ITGA1: variants seen among roughly 807,000 people sequenced by gnomAD.
ITGA1 encodes integrin alpha-1.
A neutral mutation model predicts 145.9 loss-of-function variants in ITGA1; 85 were observed. The ratio of observed to expected loss-of-function variants is 0.58; its 90% CI spans 0.49 to 0.70. The LOEUF (loss-of-function observed/expected upper bound fraction) is 0.70, where lower values mean the gene tolerates loss of function less well. ITGA1 is among the 30% of genes least tolerant of loss of function. The pLI, the probability that ITGA1 is intolerant of heterozygous loss-of-function variation, is 0.00. For synonymous variants in ITGA1, 520 were observed against 495.3 expected (o/e 1.05, Z -0.66); for missense variants, 1,351 against 1,418.7 (o/e 0.95, Z 0.77).
At chr5:52,886,616 A>T (rs1419065011) in intron 7 of ITGA1, among the ~76,000 whole-genome samples, 1 of 152,074 alleles carries the variant, frequency 6.6e-6, no homozygotes, top group Non-Finnish European at 1.5e-5. Flanking sequence ...CTCTTCCAAG[A>T]CTCCAGAGCG....
At chr5:52,886,767 C>G (rs1169901967) in intron 7 of ITGA1, among the ~76,000 whole-genome samples, 1 of 151,802 alleles carries the variant, frequency 6.6e-6, no homozygotes, top group African/African-American at 2.4e-5. Flanking sequence ...AATTCAAATT[C>G]GGTTTTTTGT....
intron 8 of ITGA1, among the ~76,000 whole-genome samples, chr5:52,889,108 A>ATTT (rs71614392): frequency 0.21 from 23,257 of 110,816 alleles, 1,878 homozygotes; most frequent in Admixed American, 0.3. Flanking sequence ...ACTACTATCC[A>ATTT]TTTTTTTTTT....
At position 52,865,637 on chromosome 5, in the gene ITGA1, T is replaced by C. The variant is rs886256318; in HGVS notation, c.497-53T>C. 2.8e-6 allele frequency: 4 copies of C among 1,403,916 alleles called. No homozygotes were observed. In the African/African-American group the frequency reaches 6.1e-5, roughly 21 times the overall value. The allele number at this position is 1,403,916 out of a possible 1,614,324, so 87.0% of individuals were successfully genotyped here. A position where few individuals can be genotyped will look rare whatever the true frequency, so the allele number is the denominator to read the frequency against. On this transcript the variant is annotated intron_variant, in intron 5 of 28. Coordinates refer to ENST00000282588, the MANE Select transcript of ITGA1 (RefSeq NM_181501.2). ...CTTTCAGCCATGAAAGCACTTCATA[T>C]GCCTCTGAAAAAAATAGATTCCAAA...
chr5:52,818,283 G>A (rs1307371866), intron 1 of ITGA1, among the ~76,000 whole-genome samples: 1 of 152,142 alleles, frequency 6.6e-6, no homozygotes, highest in African/African-American at 2.4e-5. Context: ...TGAGTTGCTG[G>A]TGTGTAAATC....
chr5:52,797,554 T>C (rs1165517777), intron 1 of ITGA1, among the ~76,000 whole-genome samples: 1 of 152,114 alleles, frequency 6.6e-6, no homozygotes, highest in Non-Finnish European at 1.5e-5. Context: ...TCAAATCCTC[T>C]AGGTTGGTTC....
In ITGA1 at chr5:52,958,720, T is replaced by C. The variant is rs1391529713; in HGVS notation, c.*6269T>C. On this transcript the variant is annotated 3_prime_UTR_variant, in exon 29 of 29. Transcript: ENST00000282588. ...ATTCATTTTATTAGCAAGAAAAATA[T>C]TGCATACAAGAACTACTGCCCTGAA... is the stretch of plus-strand genomic sequence containing the variant. The C allele has an allele frequency of 6.6e-6, 1 of 152,176 alleles. No individual in the cohort carries two copies. Among genetic ancestry groups the C allele is most frequent in the Non-Finnish European group, 1.5e-5 (1 of 68,020 alleles). 9.4% of individuals were successfully genotyped at this position (152,176 alleles called of 1,614,324 possible). A position where few individuals can be genotyped will look rare whatever the true frequency, so the allele number is the denominator to read the frequency against.
At chr5:52,805,614 T>TA (rs919784672) in intron 1 of ITGA1, among the ~76,000 whole-genome samples, 18 of 151,262 alleles carry the variant, frequency 1.2e-4, no homozygotes, top group African/African-American at 3.9e-4. Flanking sequence ...AAATGGTAAT[T>TA]AAAAAAAAAT....
Position 52,953,400 on chromosome 5 carries a change from T to C in ITGA1, c.*949T>C, listed in dbSNP as rs1203667519. ...TCCAGTATGTGACCCAAAGAAAGAG[T>C]TGTCTCAACTCCTTGGTACAGGGTT... On this transcript the variant is annotated 3_prime_UTR_variant, in exon 29 of 29. Coordinates refer to ENST00000282588, the MANE Select transcript of ITGA1 (RefSeq NM_181501.2). The C allele has an allele frequency of 2.0e-5, 3 of 152,162 alleles. No homozygotes were observed. The highest frequency in any genetic ancestry group is 7.2e-5 in the African/African-American group (3 of 41,446). 9.4% of individuals were successfully genotyped at this position (152,162 alleles called of 1,614,324 possible).
intron 15 of ITGA1, among the ~76,000 whole-genome samples, chr5:52,916,655 C>T (rs1489366955): frequency 6.6e-6 from 1 of 151,746 alleles, no homozygotes; most frequent in Non-Finnish European, 1.5e-5. Context: ...AAGGGTGATA[C>T]CTAAGAAAAG....
At position 52,920,365 on chromosome 5, in the gene ITGA1, G is replaced by C. The variant is rs998410962; in HGVS notation, c.2189G>C (p.Arg730Thr). The C allele has an allele frequency of 1.9e-6, 3 of 1,608,446 alleles. No homozygotes were observed. The highest frequency in any genetic ancestry group is 1.7e-5 in the Admixed American group (1 of 59,030). Reference sequence around the variant, plus strand: ...TACCGTGTCACCCTAGATTCACTAAGACAAATATCACGAAGTTTTTTCTCT... The same window carrying C: ...TACCGTGTCACCCTAGATTCACTAACACAAATATCACGAAGTTTTTTCTCT... ...LQYRVTLDSL[R>T]QISRSFFSGT... The change falls in exon 17 of 29, where the codon AGA (arginine) becomes ACA (threonine). Residue 730 changes from arginine (R) to threonine (T), a missense_variant. By Grantham distance (71) the Arg-to-Thr change is moderately conservative (BLOSUM62 -1). Coordinates refer to ENST00000282588, the MANE Select transcript of ITGA1 (RefSeq NM_181501.2).
Position 52,954,124 on chromosome 5 carries a change from T to A in ITGA1, c.*1673T>A, listed in dbSNP as rs906260796. 1 of 152,202 alleles carries A rather than the reference T, an allele frequency of 6.6e-6. No homozygotes were observed. Among genetic ancestry groups the A allele is most frequent in the Non-Finnish European group, 1.5e-5 (1 of 68,030 alleles). The allele number at this position is 152,202 out of a possible 1,614,324, so 9.4% of individuals were successfully genotyped here. On this transcript the variant is annotated 3_prime_UTR_variant, in exon 29 of 29. Coordinates refer to ENST00000282588, the MANE Select transcript of ITGA1 (RefSeq NM_181501.2). ...CTCTTTCTAGAGGTTTGGTGTCCTC[T>A]TGCTGGCCTGTCATTATTTGGAAAT...
Position 52,918,874 on chromosome 5 carries a change from A to C in ITGA1, c.2131A>C (p.Lys711Gln). The C allele has an allele frequency of 6.3e-7, 1 of 1,599,300 alleles. No homozygotes were observed. Among genetic ancestry groups the C allele is most frequent in the Non-Finnish European group, 8.5e-7 (1 of 1,175,428 alleles). ...GTGTTTTGATGTGAAATTAAAGTCT[A>C]AAGAAGACACGATTTATGAAGCTGG... Reference protein sequence around the residue: ...TVCFDVKLKSKEDTIYEADLQ... With the variant: ...TVCFDVKLKSQEDTIYEADLQ... Residue 711 changes from lysine (K) to glutamine (Q), a missense_variant, in exon 16 of 29, where the codon AAA (lysine) becomes CAA (glutamine). Lys to Gln is a moderately conservative substitution (Grantham distance 53). Transcript: ENST00000282588.
At chr5:52,874,800 G>A (rs2111793026) in intron 6 of ITGA1, among the ~76,000 whole-genome samples, 1 of 152,188 alleles carries the variant, frequency 6.6e-6, no homozygotes, top group South Asian at 2.1e-4. Context: ...AATATATTGG[G>A]ACAGCTACAA....
intron 12 of ITGA1, among the ~76,000 whole-genome samples, chr5:52,908,364 G>C (rs1750443490): frequency 6.6e-6 from 1 of 152,164 alleles, no homozygotes; most frequent in Non-Finnish European, 1.5e-5. Context: ...TACAAGGGAT[G>C]ATACCCCTGC....
chr5:52,795,652 C>T (rs952939208), intron 1 of ITGA1, among the ~76,000 whole-genome samples: 1 of 151,854 alleles, frequency 6.6e-6, no homozygotes, highest in Non-Finnish European at 1.5e-5. Context: ...AGTTATTTTT[C>T]CAAGGCTGAA....
At chr5:52,861,370 T>TA (rs1749597742) in intron 2 of ITGA1, 77 bp from the exon 3 acceptor site, 1 of 833,498 alleles carries the variant, frequency 1.2e-6, no homozygotes, top group East Asian at 2.4e-5. Flanking sequence ...TCAATTATCT[T>TA]AAAATCAGTC....
intron 1 of ITGA1, among the ~76,000 whole-genome samples, chr5:52,836,402 G>A (rs1561222964): frequency 6.6e-6 from 1 of 152,148 alleles, no homozygotes; most frequent in Admixed American, 6.5e-5. Context: ...TATCTTTTCT[G>A]GCCAGTACAT....
intron 27 of ITGA1, among the ~76,000 whole-genome samples, chr5:52,946,348 A>C (rs1228462182): frequency 1.3e-5 from 2 of 152,208 alleles, no homozygotes; most frequent in African/African-American, 2.4e-5. Context: ...AGCCTGGGCA[A>C]AATAGTGAAA....
At chr5:52,917,708 G>A (rs2111867572) in intron 15 of ITGA1, among the ~76,000 whole-genome samples, 1 of 151,760 alleles carries the variant, frequency 6.6e-6, no homozygotes, top group East Asian at 1.9e-4. Context: ...GTATGCATGT[G>A]TGTACGTGTA....
Sources: allele counts gnomAD v4.1 joint callset (sites outside exome capture counted in the v4.1 genomes callset), GRCh38; gene constraint gnomAD v4.1.1; transcripts MANE v1.5; gene names NCBI Gene and HGNC (gene_info 2026-07-23, HGNC 2026-07-21).